Variants in TUSC3 observed in about 807,000 individuals in gnomAD.
The protein encoded by TUSC3 is tumor suppressor candidate 3.
TUSC3 carries 45 observed loss-of-function variants against 44.8 expected under a neutral mutation model. The ratio of observed to expected loss-of-function variants is 1.00; its 90% CI spans 0.79 to 1.29. TUSC3 has a LOEUF of 1.29. Among genes scored for constraint, TUSC3 ranks in the 50% most tolerant of loss-of-function variants. The pLI is 0.00. For missense variants in TUSC3, 519 were observed against 437.9 expected, an observed-to-expected ratio of 1.19 and a Z score of -1.65; for synonymous variants, 212 against 152.9, an observed-to-expected ratio of 1.39 and a Z score of -2.85.
intron 1 of TUSC3, among the ~76,000 whole-genome samples, chr8:15,622,461 G>T (rs1370016765): frequency 1.3e-5 from 2 of 152,020 alleles, no homozygotes; most frequent in East Asian, 1.9e-4. Flanking sequence ...AGAAGCTACA[G>T]TGCTGTCTCC....
At chr8:15,720,905 C>G (rs1335141783) in intron 6 of TUSC3, among the ~76,000 whole-genome samples, 1 of 151,940 alleles carries the variant, frequency 6.6e-6, no homozygotes, top group Non-Finnish European at 1.5e-5. Context: ...AGAGTAATTC[C>G]CTGGCCACCC....
chr8:15,727,353 T>G (rs762892145), intron 6 of TUSC3, among the ~76,000 whole-genome samples: 2 of 152,182 alleles, frequency 1.3e-5, no homozygotes, highest in Non-Finnish European at 2.9e-5. Context: ...ATCTCTTTGT[T>G]GCACATTAGT....
At position 15,595,707 on chromosome 8, in the gene TUSC3, A is replaced by G. The variant is rs377138872; in HGVS notation, c.139-27373A>G. ...TTGATAAGAGAAATGGGAGGAAGTC[A>G]TTTTTAAGCCTAGTGTAATACAATG... On this transcript the variant is annotated intron_variant, in intron 1 of 10. Transcript: ENST00000503731. 2.6e-5 allele frequency among the ~76,000 whole-genome samples: 4 copies of G among 152,166 alleles called. No individual in the cohort carries two copies. The South Asian group carries it at 6.2e-4, about 24-fold the overall frequency.
chr8:15,621,439 G>C (rs183400266), intron 1 of TUSC3, among the ~76,000 whole-genome samples: 162 of 149,700 alleles, frequency 1.1e-3, no homozygotes, highest in African/African-American at 3.2e-3. Context: ...GAGGCAGAGA[G>C]ATAAGTTATC....
At position 15,670,494 on chromosome 8, in the gene TUSC3, T is replaced by C. The variant is rs556465412; in HGVS notation, c.709-3253T>C. ...TTGCCGAGCCAACTGGATATCCATA[T>C]GGGAAAAAGATGAATTTCAACTTTT... On this transcript the variant is annotated intron_variant, in intron 5 of 10. Transcript: ENST00000503731. Among the ~76,000 whole-genome samples, 20 of 151,914 alleles carry C rather than the reference T, an allele frequency of 1.3e-4. No homozygotes were observed. In the East Asian group the frequency reaches 3.7e-3, roughly 28 times the overall value.
intron 6 of TUSC3, among the ~76,000 whole-genome samples, chr8:15,699,485 C>G (rs1263855770): frequency 6.6e-6 from 1 of 152,118 alleles, no homozygotes; most frequent in Non-Finnish European, 1.5e-5. Flanking sequence ...AACATAAAAC[C>G]TAGCATTAAC....
At chr8:15,686,725 C>T (rs1174936942) in intron 6 of TUSC3, among the ~76,000 whole-genome samples, 1 of 152,074 alleles carries the variant, frequency 6.6e-6, no homozygotes, top group Non-Finnish European at 1.5e-5. Context: ...TTACAGTCTT[C>T]ATACCACCAG....
intron 1 of TUSC3, among the ~76,000 whole-genome samples, chr8:15,554,436 G>A (rs973296948): frequency 6.6e-6 from 1 of 151,400 alleles, no homozygotes; most frequent in Non-Finnish European, 1.5e-5. Flanking sequence ...TTATCAGCCA[G>A]GGTCTCTGAA....
At chr8:15,487,267 C>T (rs1053824518) in intron 2 of TUSC3, among the ~76,000 whole-genome samples, 1 of 152,056 alleles carries the variant, frequency 6.6e-6, no homozygotes, top group Non-Finnish European at 1.5e-5. Context: ...TTTAAACATG[C>T]CATGGTGTTG....
chr8:15,811,651 T>C, the TUSC3 span, among the ~76,000 whole-genome samples: 1 of 152,158 alleles, frequency 6.6e-6, no homozygotes, highest in African/African-American at 2.4e-5. Context: ...AATATCAAAA[T>C]TGACCTATGA....
At chr8:15,586,804 G>A (rs1024428578) in intron 1 of TUSC3, among the ~76,000 whole-genome samples, 2 of 152,254 alleles carry the variant, frequency 1.3e-5, no homozygotes, top group Middle Eastern at 3.4e-3. Flanking sequence ...AGGGATAACA[G>A]CATTAGTTTA....
chr8:15,448,425 A>G (rs1800141103), intron 1 of TUSC3, among the ~76,000 whole-genome samples: 1 of 152,096 alleles, frequency 6.6e-6, no homozygotes, highest in Non-Finnish European at 1.5e-5. Flanking sequence ...AGCCTAAAGT[A>G]TAAATTTATA....
At position 15,544,644 on chromosome 8, in the gene TUSC3, C is replaced by A. The variant is rs556314505; in HGVS notation, c.138+4076C>A. Among the ~76,000 whole-genome samples, 10 of 151,760 alleles carry A rather than the reference C, an allele frequency of 6.6e-5. 1 individual carries two copies. In the East Asian group the frequency reaches 1.9e-3, roughly 30 times the overall value. On this transcript the variant is annotated intron_variant, in intron 1 of 10. Coordinates refer to ENST00000503731, the MANE Select transcript of TUSC3 (RefSeq NM_006765.4). ...TAGTTTTCGTGGCACAGCTGTGAAA[C>A]AGAGACTTTACTATCTTAGCAAATG...
At chr8:15,479,052 A>G (rs11906706) in intron 1 of TUSC3, among the ~76,000 whole-genome samples, 45 of 152,256 alleles carry the variant, frequency 3.0e-4, no homozygotes, top group Admixed American at 7.2e-4. Context: ...ACTTTTGTTC[A>G]TATGTTTGTT....
rs1055268698 is a variant in TUSC3 at position 15,764,860 on chromosome 8, G to C, written c.*704G>C. 6.6e-6 allele frequency: 1 copy of C among 151,986 alleles called. No homozygotes were observed. Among genetic ancestry groups the C allele is most frequent in the Non-Finnish European group, 1.5e-5 (1 of 67,952 alleles). The allele number at this position is 151,986 out of a possible 1,614,324, so 9.4% of individuals were successfully genotyped here. On this transcript the variant is annotated 3_prime_UTR_variant, in exon 11 of 11. Coordinates refer to ENST00000503731, the MANE Select transcript of TUSC3 (RefSeq NM_006765.4). ...TGAAAGCAACATACCACAACTAGGA[G>C]TTATTTCTCAAACTTAAATGTCCTC... is the stretch of plus-strand genomic sequence containing the variant.
intron 1 of TUSC3, among the ~76,000 whole-genome samples, chr8:15,594,984 A>T (rs1450375188): frequency 6.6e-6 from 1 of 152,050 alleles, no homozygotes; most frequent in Non-Finnish European, 1.5e-5. Flanking sequence ...CCTAGGTTTT[A>T]TACTTCGGGG....
intron 1 of TUSC3, among the ~76,000 whole-genome samples, chr8:15,582,226 G>T (rs1172534932): frequency 6.6e-6 from 1 of 152,188 alleles, no homozygotes; most frequent in Non-Finnish European, 1.5e-5. Context: ...CCTAGTGAGA[G>T]AAACCTGGTA....
intron 6 of TUSC3, among the ~76,000 whole-genome samples, chr8:15,720,966 T>G (rs1182610999): frequency 6.6e-6 from 1 of 152,226 alleles, no homozygotes; most frequent in East Asian, 1.9e-4. Context: ...GAAAGCATTT[T>G]CATGTGAATA....
chr8:15,501,072 T>C (rs181431760), intron 2 of TUSC3, among the ~76,000 whole-genome samples: 1 of 152,190 alleles, frequency 6.6e-6, no homozygotes, highest in African/African-American at 2.4e-5. Flanking sequence ...ACAGACAGTT[T>C]ATAAAAACTT....
Sources: gnomAD v4.1 joint callset for allele counts (sites outside exome capture counted in the v4.1 genomes callset) on GRCh38, gnomAD v4.1.1 for gene constraint, MANE v1.5 for transcripts, NCBI Gene and HGNC (gene_info 2026-07-23, HGNC 2026-07-21) for gene names.